The following MALRD1 variants were observed in gnomAD, a reference collection of about 807,000 sequenced individuals.
MALRD1 encodes MAM and LDL receptor class A domain containing 1, also known as MAM and LDL-receptor class A domain-containing protein 1.
MALRD1 carries 247 observed loss-of-function variants against 242.1 expected under a neutral mutation model. That is an observed-to-expected ratio of 1.02 (90% CI 0.92 to 1.13). The LOEUF (loss-of-function observed/expected upper bound fraction) is 1.13, where lower values mean the gene tolerates loss of function less well. Ranked by LOEUF, MALRD1 falls within the 50% of genes most tolerant of loss-of-function variation. MALRD1 has a pLI of 0.00. For synonymous variants in MALRD1, 995 were observed against 866.6 expected (o/e 1.15, Z -2.60); for missense variants, 2,989 against 2,533.1 (o/e 1.18, Z -3.86).
chr10:19,087,794 C>A, intron 2 of MALRD1, 46 bp from the exon 3 acceptor site: 1 of 988,134 alleles, frequency 1.0e-6, no homozygotes, highest in Admixed American at 4.5e-5. Context: ...AGGTCTTATT[C>A]ATTCTTTCTG....
chr10:19,690,378 G>A (rs1392317170), intron 36 of MALRD1, among the ~76,000 whole-genome samples: 3 of 151,958 alleles, frequency 2.0e-5, no homozygotes, highest in African/African-American at 7.2e-5. Flanking sequence ...CTATCGGAAG[G>A]AAGATCCCTA....
At chr10:19,157,480 C>G (rs914156015) in intron 12 of MALRD1, among the ~76,000 whole-genome samples, 1 of 152,018 alleles carries the variant, frequency 6.6e-6, no homozygotes, top group Non-Finnish European at 1.5e-5. Context: ...ATCTCCTGAC[C>G]TCGTGATTCA....
chr10:19,461,813 C>T (rs1835960477), intron 29 of MALRD1, among the ~76,000 whole-genome samples: 1 of 152,150 alleles, frequency 6.6e-6, no homozygotes, highest in South Asian at 2.1e-4. Flanking sequence ...CACTGCACCC[C>T]AACCTGGGTG....
intron 34 of MALRD1, among the ~76,000 whole-genome samples, chr10:19,606,277 T>A (rs1416160170): frequency 6.6e-6 from 1 of 152,192 alleles, no homozygotes; most frequent in Non-Finnish European, 1.5e-5. Flanking sequence ...GGTTGTAACT[T>A]CATTGTCTTT....
chr10:19,514,380 G>A (rs1213967941), intron 31 of MALRD1, among the ~76,000 whole-genome samples: 3 of 152,078 alleles, frequency 2.0e-5, no homozygotes, highest in African/African-American at 7.2e-5. Context: ...CATTTAACAT[G>A]TTAGATAAGC....
intron 14 of MALRD1, among the ~76,000 whole-genome samples, chr10:19,186,823 T>C (rs866364385): frequency 6.6e-6 from 1 of 152,174 alleles, no homozygotes; most frequent in Admixed American, 6.5e-5. Context: ...TCTTCTCTTT[T>C]CTCACATGCC....
intron 33 of MALRD1, among the ~76,000 whole-genome samples, chr10:19,572,102 C>G (rs546631413): frequency 6.6e-6 from 1 of 152,254 alleles, no homozygotes; most frequent in Admixed American, 6.5e-5. Context: ...AACAGCAGTC[C>G]TATCCCCCAC....
chr10:19,102,032 C>T (rs1226813561), intron 4 of MALRD1, among the ~76,000 whole-genome samples: 1 of 133,724 alleles, frequency 7.5e-6, no homozygotes, highest in African/African-American at 2.7e-5. Context: ...TAATTATAAA[C>T]TATATTTAAT....
chr10:19,409,689 A>T (rs1833192020), intron 28 of MALRD1, among the ~76,000 whole-genome samples: 1 of 152,136 alleles, frequency 6.6e-6, no homozygotes, highest in South Asian at 2.1e-4. Context: ...TGGATAAAAG[A>T]TATTTTGAGA....
chr10:19,348,162 G>A (rs947111349), intron 25 of MALRD1, 144 bp downstream of exon 25: 1 of 1,078,916 alleles, frequency 9.3e-7, no homozygotes, highest in Non-Finnish European at 1.3e-6. Context: ...GTGAAGGGGG[G>A]AAAAAATGAA....
At chr10:19,534,841 A>AT (rs1491261033) in intron 32 of MALRD1, among the ~76,000 whole-genome samples, 21 of 151,144 alleles carry the variant, frequency 1.4e-4, no homozygotes, top group African/African-American at 5.1e-4. Flanking sequence ...ATAAAGATAG[A>AT]TATATATATG....
intron 13 of MALRD1, 98 bp downstream of exon 13, chr10:19,165,908 A>C: frequency 2.3e-6 from 2 of 875,634 alleles, no homozygotes; most frequent in Non-Finnish European, 3.0e-6. Flanking sequence ...ATACCTTTTC[A>C]GGTGAGCACA....
intron 18 of MALRD1, among the ~76,000 whole-genome samples, chr10:19,225,386 C>T (rs1837750034): frequency 6.6e-6 from 1 of 152,110 alleles, no homozygotes; most frequent in African/African-American, 2.4e-5. Flanking sequence ...TCTGTTTATA[C>T]TGATGTTTGT....
chr10:19,168,757 C>T (rs948725570), intron 13 of MALRD1, among the ~76,000 whole-genome samples: 1 of 152,130 alleles, frequency 6.6e-6, no homozygotes, highest in African/African-American at 2.4e-5. Context: ...CTGCTCCTCC[C>T]TCTCCCTTCA....
At chr10:19,543,640 A>G (rs1286123722) in intron 32 of MALRD1, among the ~76,000 whole-genome samples, 1 of 151,908 alleles carries the variant, frequency 6.6e-6, no homozygotes, top group African/African-American at 2.4e-5. Context: ...CCATCTATAA[A>G]TTAACCTAAT....
At chr10:19,556,446 C>G (rs935978230) in intron 32 of MALRD1, among the ~76,000 whole-genome samples, 1 of 152,070 alleles carries the variant, frequency 6.6e-6, no homozygotes, top group Non-Finnish European at 1.5e-5. Flanking sequence ...CTTTCTCCCC[C>G]AAAACCCTTT....
intron 26 of MALRD1, among the ~76,000 whole-genome samples, chr10:19,380,250 C>T (rs1040668353): frequency 1.3e-5 from 2 of 149,454 alleles, no homozygotes; most frequent in Non-Finnish European, 3.0e-5. Flanking sequence ...GCTAGGATTA[C>T]AGGTGTGAGC....
intron 28 of MALRD1, among the ~76,000 whole-genome samples, chr10:19,401,072 T>A (rs866977676): frequency 3.2e-4 from 48 of 152,020 alleles, no homozygotes; most frequent in South Asian, 2.7e-3. Context: ...TTATTTCAAA[T>A]GAGAGAATAC....
At chr10:19,575,560 C>A (rs903769781) in intron 33 of MALRD1, among the ~76,000 whole-genome samples, 3 of 151,770 alleles carry the variant, frequency 2.0e-5, no homozygotes, top group Non-Finnish European at 2.9e-5. Flanking sequence ...TGCCAACGAG[C>A]AATAATTTTT....
Sources: allele counts gnomAD v4.1 joint callset (sites outside exome capture counted in the v4.1 genomes callset), GRCh38; gene constraint gnomAD v4.1.1; transcripts MANE v1.5; gene names NCBI Gene and HGNC (gene_info 2026-07-23, HGNC 2026-07-21).